The following HSF5 variants were observed in gnomAD, a reference collection of about 807,000 sequenced individuals.
HSF5 encodes heat shock transcription factor 5.
HSF5 carries 5 observed loss-of-function variants against 50.8 expected under a neutral mutation model. That is an observed-to-expected ratio of 0.10 (90% CI 0.05 to 0.21). The LOEUF is 0.21. HSF5 is among the 10% of genes least tolerant of loss of function. HSF5 has a pLI of 1.00. For synonymous variants in HSF5, 307 were observed against 307.4 expected (o/e 1.00, Z 0.02); for missense variants, 564 against 762.6 (o/e 0.74, Z 3.07).
chr17:58,465,855 C>T (rs1032482146), intron 3 of HSF5, among the ~76,000 whole-genome samples: 2 of 152,066 alleles, frequency 1.3e-5, no homozygotes, highest in African/African-American at 4.8e-5. Context: ...TCCTAAGAAA[C>T]AATGAGAAGA....
intron 5 of HSF5, among the ~76,000 whole-genome samples, chr17:58,433,879 C>A (rs1974392990): frequency 6.9e-6 from 1 of 144,308 alleles, no homozygotes; most frequent in Non-Finnish European, 1.5e-5. Context: ...AGAGGAATAG[C>A]TACATGGAGG....
intron 2 of HSF5, among the ~76,000 whole-genome samples, chr17:58,473,036 G>A (rs766423561): frequency 6.6e-6 from 1 of 152,116 alleles, no homozygotes; most frequent in Non-Finnish European, 1.5e-5. Context: ...TTCATGAGAG[G>A]CAGGCAGACA....
At chr17:58,436,946 C>T (rs551381366) in intron 5 of HSF5, among the ~76,000 whole-genome samples, 3 of 152,220 alleles carry the variant, frequency 2.0e-5, no homozygotes, top group South Asian at 4.2e-4. Flanking sequence ...GGAAAGATGC[C>T]GTAAAGTGAC....
At chr17:58,423,510 CAG>C in intron 5 of HSF5, among the ~76,000 whole-genome samples, 1 of 105,020 alleles carries the variant, frequency 9.5e-6, no homozygotes, top group Non-Finnish European at 1.8e-5. Context: ...TTTTTTGAGA[CAG>C]AGTCTCACAC....
intron 5 of HSF5, among the ~76,000 whole-genome samples, chr17:58,423,098 G>C (rs902159214): frequency 2.0e-5 from 3 of 152,192 alleles, no homozygotes; most frequent in Non-Finnish European, 4.4e-5. Flanking sequence ...CATGCTGTAA[G>C]AGTAGGTGGG....
chr17:58,487,734 C>T lies in HSF5; in HGVS notation c.541G>A (p.Glu181Lys), dbSNP rs576559569. Reference sequence around the variant, plus strand: ...GGCAGTCCGGACTCACCGTGCGGCTCGGGCCGGGGCCCCGCGGGCGGCGGC... The same window carrying T: ...GGCAGTCCGGACTCACCGTGCGGCTTGGGCCGGGGCCCCGCGGGCGGCGGC... ...QPPPPAGPRP[E>K]PHGPVAVGQF... Residue 181 changes from glutamate (E) to lysine (K), a missense_variant, in exon 1 of 6, where the codon GAG becomes AAG. Glu to Lys is a moderately conservative substitution (Grantham distance 56, BLOSUM62 1). Around this residue, in one of 5 missense-constraint regions of HSF5, gnomAD observed 441 missense variants for 533.6 expected, o/e 0.83. Coordinates refer to ENST00000323777, the MANE Select transcript of HSF5 (RefSeq NM_001080439.3). 9.4e-5 allele frequency: 129 copies of T among 1,378,950 alleles called. No individual in the cohort carries two copies. The Middle Eastern group carries it at 2.2e-3, about 23-fold the overall frequency. The allele number at this position is 1,378,950 out of a possible 1,614,324, so 85.4% of individuals were successfully genotyped here.
At chr17:58,465,152 CCCTTCCTTCTT>C (rs1417307197) in intron 3 of HSF5, among the ~76,000 whole-genome samples, 3 of 145,500 alleles carry the variant, frequency 2.1e-5, no homozygotes, top group Non-Finnish European at 4.5e-5. Flanking sequence ...CTCCCTCCCT[CCCTTCCTTCTT>C]CCTTCCTTTA....
At chr17:58,464,942 T>G (rs2143785410) in intron 3 of HSF5, among the ~76,000 whole-genome samples, 1 of 151,640 alleles carries the variant, frequency 6.6e-6, no homozygotes, top group African/African-American at 2.4e-5. Context: ...GGCAGATTTT[T>G]TTTTTTTTTT....
intron 4 of HSF5, 22 bp downstream of exon 4, chr17:58,462,760 A>ATTT: frequency 6.4e-7 from 1 of 1,558,726 alleles, no homozygotes. Flanking sequence ...CTTTATAAGC[A>ATTT]TTTTTTTCTT....
intron 2 of HSF5, among the ~76,000 whole-genome samples, chr17:58,472,867 A>C (rs118184355): frequency 3.7e-3 from 561 of 152,252 alleles, no homozygotes; most frequent in Non-Finnish European, 5.7e-3. Context: ...CTGGTGAGTC[A>C]ATAACCCAGA....
At chr17:58,475,114 A>C (rs1344542961) in intron 2 of HSF5, among the ~76,000 whole-genome samples, 1 of 152,196 alleles carries the variant, frequency 6.6e-6, no homozygotes, top group Non-Finnish European at 1.5e-5. Flanking sequence ...GAAAATCTAT[A>C]AAACTCAATC....
At chr17:58,468,545 T>G (rs1974903031) in intron 2 of HSF5, among the ~76,000 whole-genome samples, 2 of 152,234 alleles carry the variant, frequency 1.3e-5, no homozygotes, top group South Asian at 4.1e-4. Flanking sequence ...ACTCTCCCTT[T>G]TTATGTCCAC....
intron 2 of HSF5, among the ~76,000 whole-genome samples, chr17:58,467,233 C>T (rs558283546): frequency 1.1e-4 from 16 of 152,262 alleles, no homozygotes; most frequent in African/African-American, 7.2e-5. Context: ...AACACCTAAG[C>T]ATTTTGTTAC....
At chr17:58,449,798 C>T (rs1284902407) in intron 5 of HSF5, among the ~76,000 whole-genome samples, 34 of 151,144 alleles carry the variant, frequency 2.2e-4, no homozygotes, top group African/African-American at 7.8e-4. Flanking sequence ...CCGAGGCGGG[C>T]GGATCACGAG....
intron 5 of HSF5, among the ~76,000 whole-genome samples, chr17:58,448,445 T>C (rs141569647): frequency 2.6e-5 from 4 of 152,136 alleles, no homozygotes; most frequent in African/African-American, 9.6e-5. Context: ...AATCAAACTC[T>C]TAAAGATCAA....
chr17:58,469,511 C>T (rs1974917179), intron 2 of HSF5, among the ~76,000 whole-genome samples: 1 of 152,082 alleles, frequency 6.6e-6, no homozygotes, highest in Admixed American at 6.5e-5. Flanking sequence ...AGATTATACT[C>T]CAAAAAGATT....
At chr17:58,477,915 A>C (rs945712020) in intron 2 of HSF5, among the ~76,000 whole-genome samples, 1 of 152,038 alleles carries the variant, frequency 6.6e-6, no homozygotes, top group African/African-American at 2.4e-5. Flanking sequence ...CCAGATTTAC[A>C]TAACTGAAAA....
Position 58,485,435 on chromosome 17 carries a change from G to A in HSF5, c.550+2290C>T, listed in dbSNP as rs73319712. 8.9e-3 allele frequency among the ~76,000 whole-genome samples: 1,354 copies of A among 151,884 alleles called. 23 individuals carry two copies. The highest frequency in any genetic ancestry group is 0.03 in the African/African-American group (1,256 of 41,418). On this transcript the variant is annotated intron_variant, in intron 1 of 5. Coordinates refer to ENST00000323777, the MANE Select transcript of HSF5 (RefSeq NM_001080439.3). ...CCACCCTTGCCTTCCTGGAAGAGGG[G>A]GAAGAGCATCAAAAATCAAGTCTAC...
chr17:58,476,501 C>T, intron 2 of HSF5: 3 of 1,149,648 alleles, frequency 2.6e-6, no homozygotes, highest in Middle Eastern at 2.8e-4. Context: ...GAAGATGGAT[C>T]ACCACTCTTA....
Sources: gnomAD v4.1 joint callset for allele counts (sites outside exome capture counted in the v4.1 genomes callset) on GRCh38, gnomAD v4.1.1 for gene constraint, gnomAD v4.1.1 regional missense constraint, MANE v1.5 for transcripts, NCBI Gene and HGNC (gene_info 2026-07-23, HGNC 2026-07-21) for gene names.